EBF1: variants seen among roughly 807,000 people sequenced by gnomAD.
EBF1 encodes the protein transcription factor COE1.
In EBF1, 10 loss-of-function variants were observed where a neutral mutation model predicts 68.4. The ratio of observed to expected loss-of-function variants is 0.15; its 90% CI spans 0.09 to 0.25. The LOEUF (loss-of-function observed/expected upper bound fraction) is 0.25. Ranked by LOEUF, EBF1 falls within the 10% of genes least tolerant of loss-of-function variation. The pLI, the probability that EBF1 is intolerant of heterozygous loss-of-function variation, is 1.00. For synonymous variants in EBF1, 298 were observed against 299.8 expected, an observed-to-expected ratio of 0.99 and a Z score of 0.06; for missense variants, 509 against 794.4, an observed-to-expected ratio of 0.64 and a Z score of 4.32.
At chr5:158,770,238 AC>A (rs1232601279) in intron 10 of EBF1, among the ~76,000 whole-genome samples, 1 of 151,640 alleles carries the variant, frequency 6.6e-6, no homozygotes, top group Non-Finnish European at 1.5e-5. Context: ...CCCACATCTA[AC>A]CCATCAAGTC....
intron 14 of EBF1, among the ~76,000 whole-genome samples, chr5:158,709,327 A>AT (rs113894439): frequency 0.14 from 20,268 of 147,886 alleles, 1,438 homozygotes; most frequent in Admixed American, 0.17. Context: ...TATCACATAT[A>AT]TTTTTTTTTT....
intron 10 of EBF1, among the ~76,000 whole-genome samples, chr5:158,736,762 C>T (rs1341502545): frequency 1.3e-5 from 2 of 152,134 alleles, no homozygotes; most frequent in African/African-American, 4.8e-5. Flanking sequence ...TCCATAATGG[C>T]CCCATTTTTC....
intron 6 of EBF1, among the ~76,000 whole-genome samples, chr5:158,914,054 G>T (rs144052730): frequency 6.6e-6 from 1 of 152,118 alleles, no homozygotes; most frequent in African/African-American, 2.4e-5. Flanking sequence ...GATGTGGTGG[G>T]GCCACACCCT....
At chr5:159,003,460 G>GA (rs11428979) in intron 6 of EBF1, among the ~76,000 whole-genome samples, 3,133 of 143,708 alleles carry the variant, frequency 0.022, 75 homozygotes, top group African/African-American at 0.06. Context: ...ACAACTGCAG[G>GA]AAAAAAAAAA....
intron 6 of EBF1, among the ~76,000 whole-genome samples, chr5:158,919,369 A>G (rs1562299267): frequency 1.3e-5 from 2 of 152,144 alleles, no homozygotes; most frequent in Non-Finnish European, 2.9e-5. Flanking sequence ...TATCTCATAG[A>G]TAACACCAAT....
chr5:158,998,386 C>T (rs540597141), intron 6 of EBF1, among the ~76,000 whole-genome samples: 8 of 152,104 alleles, frequency 5.3e-5, no homozygotes, highest in Non-Finnish European at 1.0e-4. Context: ...TTTTCCTTTA[C>T]GACACTAACT....
At chr5:158,879,955 C>A (rs1038878468) in intron 6 of EBF1, among the ~76,000 whole-genome samples, 3 of 152,116 alleles carry the variant, frequency 2.0e-5, no homozygotes, top group Middle Eastern at 3.2e-3. Flanking sequence ...TTAGAGATCG[C>A]CTGGTACAAT....
At chr5:158,891,057 AAAAG>A (rs1483553019) in intron 6 of EBF1, among the ~76,000 whole-genome samples, 1 of 152,228 alleles carries the variant, frequency 6.6e-6, no homozygotes, top group Non-Finnish European at 1.5e-5. Flanking sequence ...TGTCTTCCAC[AAAAG>A]AATCACAGGT....
At chr5:158,736,609 A>G (rs1310590022) in intron 10 of EBF1, among the ~76,000 whole-genome samples, 1 of 152,232 alleles carries the variant, frequency 6.6e-6, no homozygotes, top group Non-Finnish European at 1.5e-5. Context: ...AGGCAATGAT[A>G]AAACTAGCAC....
chr5:158,915,346 C>G (rs1052816681), intron 6 of EBF1, among the ~76,000 whole-genome samples: 5 of 152,148 alleles, frequency 3.3e-5, no homozygotes, highest in Admixed American at 6.5e-5. Flanking sequence ...ACAAATTTAC[C>G]ATTTCCAGCT....
chr5:158,996,828 T>C (rs1362855025), intron 6 of EBF1, among the ~76,000 whole-genome samples: 2 of 152,198 alleles, frequency 1.3e-5, no homozygotes, highest in African/African-American at 4.8e-5. Flanking sequence ...GCTAGCAAAC[T>C]TTTAAATGAA....
chr5:159,038,383 T>C (rs745863581), intron 6 of EBF1, among the ~76,000 whole-genome samples: 13 of 152,202 alleles, frequency 8.5e-5, no homozygotes, highest in Non-Finnish European at 1.8e-4. Flanking sequence ...AAAGAGACTT[T>C]TTATGTATAC....
At chr5:158,841,542 C>T (rs1402278821) in intron 6 of EBF1, among the ~76,000 whole-genome samples, 3 of 152,208 alleles carry the variant, frequency 2.0e-5, no homozygotes, top group Non-Finnish European at 2.9e-5. Flanking sequence ...CTTTCTTCCA[C>T]TTCAAGTCCA....
At chr5:158,865,188 A>G (rs1219093280) in intron 6 of EBF1, among the ~76,000 whole-genome samples, 3 of 152,092 alleles carry the variant, frequency 2.0e-5, no homozygotes, top group Non-Finnish European at 4.4e-5. Flanking sequence ...AACCCTTCCC[A>G]TCCTGTTCAC....
At chr5:158,863,408 G>A (rs947486140) in intron 6 of EBF1, among the ~76,000 whole-genome samples, 13 of 152,080 alleles carry the variant, frequency 8.5e-5, no homozygotes, top group Non-Finnish European at 1.6e-4. Context: ...CAATCTCCCC[G>A]GAATGAGAGA....
At chr5:158,873,133 A>G (rs1189374187) in intron 6 of EBF1, among the ~76,000 whole-genome samples, 2 of 151,392 alleles carry the variant, frequency 1.3e-5, no homozygotes, top group Non-Finnish European at 2.9e-5. Flanking sequence ...TATAGTGGAA[A>G]TGGGACTCCT....
Position 159,099,353 on chromosome 5 carries a change from C to A in EBF1, c.126G>T (p.Ala42=). 1 of 1,587,338 alleles carries A rather than the reference C, an allele frequency of 6.3e-7. No homozygotes were observed. The highest frequency in any genetic ancestry group is 1.1e-5 in the South Asian group (1 of 88,998). Residue 42 remains alanine (A), a synonymous_variant, in exon 1 of 16, where the codon GCG becomes GCT. Transcript: ENST00000313708. The part of the protein sequence containing the change: ...QGAGVLDANT[A]AQSGVGLARA... ...CCCCGCGCAGTACCCACCTCTGCGCCGCCGTGTTGGCGTCCAGCACCCCGG... is the reference window on the plus strand; with the variant it reads ...CCCCGCGCAGTACCCACCTCTGCGCAGCCGTGTTGGCGTCCAGCACCCCGG...
At chr5:159,009,989 C>CA (rs1561784420) in intron 6 of EBF1, among the ~76,000 whole-genome samples, 3 of 152,122 alleles carry the variant, frequency 2.0e-5, no homozygotes, top group African/African-American at 7.2e-5. Context: ...AGGCAATCCT[C>CA]AAAATATTAA....
At chr5:158,976,127 A>G (rs1333858535) in intron 6 of EBF1, among the ~76,000 whole-genome samples, 1 of 152,218 alleles carries the variant, frequency 6.6e-6, no homozygotes, top group African/African-American at 2.4e-5. Flanking sequence ...TATGTAACAC[A>G]TGAGTTAGGC....
Sources: allele counts gnomAD v4.1 joint callset (sites outside exome capture counted in the v4.1 genomes callset), GRCh38; gene constraint gnomAD v4.1.1; transcripts MANE v1.5; gene names NCBI Gene and HGNC (gene_info 2026-07-23, HGNC 2026-07-21).